The following KLHL12 variants were observed in gnomAD, a reference collection of about 807,000 sequenced individuals.
KLHL12 encodes kelch like family member 12.
KLHL12 carries 17 observed loss-of-function variants against 60.8 expected under a neutral mutation model. That is an observed-to-expected ratio of 0.28 (90% CI 0.19 to 0.42). The LOEUF is 0.42. KLHL12 is among the 10% of genes least tolerant of loss of function. KLHL12 has a pLI of 1.00. For missense variants in KLHL12, 468 were observed against 722.3 expected, an observed-to-expected ratio of 0.65 and a Z score of 4.04; for synonymous variants, 220 against 250.9, an observed-to-expected ratio of 0.88 and a Z score of 1.16.
At chr1:202,924,435 T>G (rs77544559) in intron 2 of KLHL12, among the ~76,000 whole-genome samples, 1,894 of 152,310 alleles carry the variant, frequency 0.012, 36 homozygotes, top group African/African-American at 0.044. Context: ...CCCTCTGGTA[T>G]TCACTTAAAA....
At chr1:202,894,339 C>A in intron 9 of KLHL12, 57 bp from the exon 10 acceptor site, 1 of 1,222,932 alleles carries the variant, frequency 8.2e-7, no homozygotes, top group South Asian at 1.3e-5. Flanking sequence ...CATTCCTGGT[C>A]GGTTTTTTTC....
intron 11 of KLHL12, among the ~76,000 whole-genome samples, 196 bp from the exon 12 acceptor site, chr1:202,892,855 T>C (rs533004323): frequency 2.2e-4 from 34 of 152,214 alleles, no homozygotes; most frequent in Non-Finnish European, 4.9e-4. Context: ...TAGCCTTCTA[T>C]TCCTTTCCAC....
At chr1:202,924,825 A>G (rs1653446266) in intron 2 of KLHL12, 143 bp downstream of exon 2, 2 of 865,036 alleles carry the variant, frequency 2.3e-6, no homozygotes, top group South Asian at 1.8e-5. Context: ...TAGTCATCTA[A>G]GTGGTAGATC....
At chr1:202,897,571 T>C (rs1005890149) in intron 6 of KLHL12, among the ~76,000 whole-genome samples, 1 of 151,756 alleles carries the variant, frequency 6.6e-6, no homozygotes, top group Admixed American at 6.6e-5. Context: ...ACATAATCCT[T>C]GAGGTCTTAA....
At chr1:202,921,786 C>T (rs1199887584) in intron 2 of KLHL12, among the ~76,000 whole-genome samples, 1 of 152,118 alleles carries the variant, frequency 6.6e-6, no homozygotes, top group Admixed American at 6.6e-5. Context: ...TTTAGAAATT[C>T]ATTTTACTTA....
At chr1:202,908,815 G>A (rs1293598660) in intron 6 of KLHL12, among the ~76,000 whole-genome samples, 195 bp downstream of exon 6, 1 of 152,184 alleles carries the variant, frequency 6.6e-6, no homozygotes, top group Non-Finnish European at 1.5e-5. Flanking sequence ...ATAATTATGT[G>A]AAGTAGATAG....
chr1:202,920,944 G>A (rs1660678455), intron 2 of KLHL12, among the ~76,000 whole-genome samples: 1 of 152,096 alleles, frequency 6.6e-6, no homozygotes, highest in East Asian at 1.9e-4. Context: ...GTTCGTAGAG[G>A]AGCCTGTGGG....
At chr1:202,908,077 T>C (rs943106125) in intron 6 of KLHL12, among the ~76,000 whole-genome samples, 2 of 152,202 alleles carry the variant, frequency 1.3e-5, no homozygotes, top group Non-Finnish European at 2.9e-5. Flanking sequence ...TCATAACTTA[T>C]AAAATGTTTT....
chr1:202,926,954 G>T, intron 1 of KLHL12, 135 bp downstream of exon 1: 1 of 671,886 alleles, frequency 1.5e-6, no homozygotes, highest in Non-Finnish European at 1.8e-6. Flanking sequence ...CCACCCCACT[G>T]CCAGCCTTCC....
chr1:202,910,053 C>T lies in KLHL12; in HGVS notation c.718-929G>A, dbSNP rs557960444. On this transcript the variant is annotated intron_variant, in intron 5 of 11. Transcript: ENST00000367261. The stretch of plus-strand genomic sequence containing the variant: ...TAACCTGACCCAAGAAGTTCTTAGT[C>T]GAACTGGAAAGGAAAACAAACAATA... 2.5e-3 allele frequency among the ~76,000 whole-genome samples: 386 copies of T among 152,158 alleles called. 1 individual carries two copies. Among genetic ancestry groups the T allele is most frequent in the Middle Eastern group, 6.8e-3 (2 of 294 alleles).
intron 6 of KLHL12, among the ~76,000 whole-genome samples, chr1:202,902,477 A>C (rs1464960627): frequency 1.3e-5 from 2 of 151,948 alleles, no homozygotes; most frequent in Non-Finnish European, 2.9e-5. Flanking sequence ...TACAAATGTG[A>C]CCATATTATA....
chr1:202,910,482 CTCT>C (rs1349183681), intron 5 of KLHL12, among the ~76,000 whole-genome samples: 4 of 152,212 alleles, frequency 2.6e-5, no homozygotes, highest in Non-Finnish European at 4.4e-5. Context: ...GCAAGAGGAA[CTCT>C]TCTTGCTGGG....
chr1:202,895,109 C>T lies in KLHL12; in HGVS notation c.1136-360G>A, dbSNP rs951757927. Among the ~76,000 whole-genome samples, 12 of 152,158 alleles carry T rather than the reference C, an allele frequency of 7.9e-5. No homozygotes were observed. In the South Asian group the frequency reaches 1.2e-3, roughly 16 times the overall value. ...TCTGAAAGCAAAAAGGAGTATTTGT[C>T]GGCTGGGCACAGTGGCTCACACCTG... On this transcript the variant is annotated intron_variant, in intron 8 of 11. Transcript: ENST00000367261. The surrounding 1 kb of genome is among the most constrained non-coding windows in gnomAD (Gnocchi z 4.2).
At chr1:202,923,651 T>A (rs1249137391) in intron 2 of KLHL12, among the ~76,000 whole-genome samples, 2 of 152,224 alleles carry the variant, frequency 1.3e-5, no homozygotes, top group Non-Finnish European at 2.9e-5. Flanking sequence ...TTACAAGCCA[T>A]GGGACTTTGG....
In KLHL12 at chr1:202,892,438, A is replaced by G. The variant is rs1042990; in HGVS notation, c.*95T>C. On this transcript the variant is annotated 3_prime_UTR_variant, in exon 12 of 12. Transcript: ENST00000367261. ...TGGTGCCTGTAATCACCCGGTGCACATAGTGAGAAACAGACATTCTGGAAA... is the reference window on the plus strand; with the variant it reads ...TGGTGCCTGTAATCACCCGGTGCACGTAGTGAGAAACAGACATTCTGGAAA... The G allele has an allele frequency of 0.57, 803,707 of 1,399,184 alleles. 236,129 individuals are homozygous for G. Among genetic ancestry groups the G allele is most frequent in the Non-Finnish European group, 0.61 (610,056 of 1,005,210 alleles). 86.7% of individuals were successfully genotyped at this position (1,399,184 alleles called of 1,614,324 possible). A position where few individuals can be genotyped will look rare whatever the true frequency, so the allele number is the denominator to read the frequency against.
chr1:202,927,308 T>A (rs1203944774), upstream of KLHL12: 2 of 979,448 alleles, frequency 2.0e-6, no homozygotes, highest in East Asian at 1.1e-4. Context: ...AGAGTCTGCG[T>A]CACGTGAGGA....
chr1:202,912,672 C>T, intron 4 of KLHL12: 6 of 1,291,410 alleles, frequency 4.6e-6, no homozygotes, highest in Non-Finnish European at 6.6e-6. Context: ...ACCACGAAAC[C>T]AAGGTGGCTA....
chr1:202,927,081 C>A lies in KLHL12; in HGVS notation c.-46+8G>T. On this transcript the variant is annotated splice_region_variant and intron_variant, in intron 1 of 11. Coordinates refer to ENST00000367261, the MANE Select transcript of KLHL12 (RefSeq NM_021633.4). Reference sequence around the variant, plus strand: ...AGGGCTGACTGCCATCACTTCCGCGCAACTCACCTCCGCTCCCGAACCCAC... The same window carrying A: ...AGGGCTGACTGCCATCACTTCCGCGAAACTCACCTCCGCTCCCGAACCCAC... 1.0e-6 allele frequency: 1 copy of A among 985,548 alleles called. No individual in the cohort carries two copies. The highest frequency in any genetic ancestry group is 1.2e-6 in the Non-Finnish European group (1 of 830,044). The allele number at this position is 985,548 out of a possible 1,614,324, so 61.1% of individuals were successfully genotyped here.
chr1:202,894,406 C>G, intron 9 of KLHL12, 124 bp from the exon 10 acceptor site: 1 of 904,994 alleles, frequency 1.1e-6, no homozygotes, highest in Non-Finnish European at 1.7e-6. Flanking sequence ...TCCAATAACT[C>G]TAAGAGAAAT....
Sources: allele counts gnomAD v4.1 joint callset (sites outside exome capture counted in the v4.1 genomes callset), GRCh38; gene constraint gnomAD v4.1.1; non-coding constraint Gnocchi (gnomAD v3.1); transcripts MANE v1.5; gene names NCBI Gene and HGNC (gene_info 2026-07-23, HGNC 2026-07-21).